MTMR3: variants seen among roughly 807,000 people sequenced by gnomAD.
MTMR3 encodes the protein myotubularin related protein 3.
In MTMR3, 32 loss-of-function variants were observed where a neutral mutation model predicts 132.4. The observed-to-expected ratio is 0.24, with a 90% CI of 0.18 to 0.32. The LOEUF (loss-of-function observed/expected upper bound fraction) is 0.32. Among genes scored for constraint, MTMR3 ranks in the 10% least tolerant of loss-of-function variants. MTMR3 has a pLI of 1.00. For synonymous variants in MTMR3, 556 were observed against 550.3 expected (o/e 1.01, Z -0.14); for missense variants, 1,216 against 1,489.6 (o/e 0.82, Z 3.02).
chr22:29,890,492 T>C (rs958521160), intron 1 of MTMR3, among the ~76,000 whole-genome samples: 2 of 151,880 alleles, frequency 1.3e-5, no homozygotes, highest in African/African-American at 2.4e-5. Context: ...CACTCTAGCC[T>C]GGGCCACAGA....
intron 1 of MTMR3, among the ~76,000 whole-genome samples, chr22:29,902,432 G>A (rs1032476562): frequency 2.0e-5 from 3 of 147,460 alleles, no homozygotes; most frequent in Non-Finnish European, 4.5e-5. Context: ...TTTTGAGACG[G>A]AGTCTCGCTC....
intron 12 of MTMR3, 88 bp from the exon 13 acceptor site, chr22:30,012,280 A>C (rs1259960322): frequency 7.1e-7 from 1 of 1,408,182 alleles, no homozygotes; most frequent in Admixed American, 2.2e-5. Context: ...AAATCTTTGG[A>C]AATTGCTTTT....
intron 1 of MTMR3, among the ~76,000 whole-genome samples, chr22:29,884,213 CT>C (rs1019957158): frequency 1.3e-5 from 2 of 152,118 alleles, no homozygotes; most frequent in African/African-American, 4.8e-5. Context: ...TAAATTCTTA[CT>C]GTTGTAGTAT....
intron 2 of MTMR3, among the ~76,000 whole-genome samples, chr22:29,966,539 G>A (rs2066418602): frequency 6.6e-6 from 1 of 152,108 alleles, no homozygotes; most frequent in Admixed American, 6.6e-5. Flanking sequence ...TTGTAAAATA[G>A]TATTATCAAA....
At chr22:29,911,489 G>A (rs998797427) in intron 1 of MTMR3, among the ~76,000 whole-genome samples, 3 of 152,070 alleles carry the variant, frequency 2.0e-5, no homozygotes. Flanking sequence ...GTTGCAGTGA[G>A]CCATGATCAC....
chr22:30,018,345 G>A (rs2067653670), intron 16 of MTMR3: 1 of 374,138 alleles, frequency 2.7e-6, no homozygotes, highest in Non-Finnish European at 4.7e-6. Context: ...CAGTTTTTCT[G>A]TGACCCCCTG....
At chr22:29,954,525 A>T (rs1226774403) in intron 1 of MTMR3, among the ~76,000 whole-genome samples, 1 of 152,186 alleles carries the variant, frequency 6.6e-6, no homozygotes, top group Non-Finnish European at 1.5e-5. Flanking sequence ...AGTCTTTGCC[A>T]GCATTAAGCC....
Position 29,904,270 on chromosome 22 carries a change from C to T in MTMR3, c.-138+20911C>T, listed in dbSNP as rs544560051. Among the ~76,000 whole-genome samples the T allele has an allele frequency of 2.8e-4, 42 of 152,266 alleles. 1 individual carries two copies. The South Asian group carries it at 6.8e-3, about 25-fold the overall frequency. ...TCATTGCTACCTTGTGAAGTAGGCACGGCAGGCTGTATATTGTTACTTCTA... is the reference window on the plus strand; with the variant it reads ...TCATTGCTACCTTGTGAAGTAGGCATGGCAGGCTGTATATTGTTACTTCTA... On this transcript the variant is annotated intron_variant, in intron 1 of 19. Coordinates refer to ENST00000401950, the MANE Select transcript of MTMR3 (RefSeq NM_021090.4).
chr22:29,975,006 G>T (rs528709417), intron 3 of MTMR3, among the ~76,000 whole-genome samples: 8 of 151,940 alleles, frequency 5.3e-5, no homozygotes. Context: ...TCACTCTGTC[G>T]CCCGGGTTGG....
intron 1 of MTMR3, among the ~76,000 whole-genome samples, chr22:29,896,116 C>A (rs1420220296): frequency 4.6e-5 from 7 of 152,096 alleles, no homozygotes; most frequent in Admixed American, 3.3e-4. Context: ...TCAAGACCAG[C>A]CTGGCCAACG....
intron 6 of MTMR3, 45 bp downstream of exon 6, chr22:29,988,607 A>T: frequency 6.9e-7 from 1 of 1,447,774 alleles, no homozygotes; most frequent in Non-Finnish European, 9.5e-7. Flanking sequence ...TGTGGAAAAT[A>T]TTTTTTAAAG....
intron 5 of MTMR3, chr22:29,986,579 T>G: frequency 1.0e-6 from 1 of 984,876 alleles, no homozygotes; most frequent in Non-Finnish European, 1.2e-6. Context: ...TCACAGCACC[T>G]TGGGGTTAAG....
chr22:29,959,413 C>T (rs1271666540), intron 2 of MTMR3, among the ~76,000 whole-genome samples: 1 of 152,090 alleles, frequency 6.6e-6, no homozygotes, highest in African/African-American at 2.4e-5. Context: ...GAGTCTTGTT[C>T]TGTCACCCAG....
In MTMR3 at chr22:30,030,643, G is replaced by GA. The variant is rs1316407811; in HGVS notation, c.*4842_*4843insA. The GA allele has an allele frequency of 9.3e-6, 1 of 106,998 alleles. No homozygotes were observed. The highest frequency in any genetic ancestry group is 1.9e-5 in the Non-Finnish European group (1 of 53,618). The allele number at this position is 106,998 out of a possible 1,614,324, so 6.6% of individuals were successfully genotyped here. On this transcript the variant is annotated 3_prime_UTR_variant, in exon 20 of 20. Transcript: ENST00000401950. ...GGCTCTCAGCGAGGAGGGGGCGGGG[G>GA]GGGGGTCACTATTTATCTTCCAGAG...
At chr22:29,967,245 G>GCA (rs1569028546) in intron 2 of MTMR3, among the ~76,000 whole-genome samples, 7 of 150,532 alleles carry the variant, frequency 4.7e-5, no homozygotes, top group African/African-American at 1.2e-4. Context: ...ATGCGCGCGC[G>GCA]CGCGCATGTT....
intron 3 of MTMR3, among the ~76,000 whole-genome samples, chr22:29,974,302 A>G (rs904399522): frequency 6.6e-6 from 1 of 152,158 alleles, no homozygotes; most frequent in Non-Finnish European, 1.5e-5. Context: ...AACTATAATA[A>G]ATTCAGGCTA....
At chr22:29,900,073 C>G (rs1050605229) in intron 1 of MTMR3, among the ~76,000 whole-genome samples, 1 of 152,096 alleles carries the variant, frequency 6.6e-6, no homozygotes, top group East Asian at 1.9e-4. Context: ...AACAAACATA[C>G]AGAAGAGTGC....
chr22:29,978,487 A>G lies in MTMR3; in HGVS notation c.49A>G (p.Ile17Val), dbSNP rs748403976. 5.0e-6 allele frequency: 8 copies of G among 1,613,896 alleles called. No homozygotes were observed. In the South Asian group the frequency reaches 8.8e-5, roughly 18 times the overall value. Residue 17 changes from isoleucine to valine, a missense_variant, in exon 4 of 20, where the codon ATC (isoleucine) becomes GTC (valine). By Grantham distance (29) the Ile-to-Val change is conservative. This residue lies in a region of MTMR3 where 81 missense variants were observed against 87.7 expected (regional missense o/e 0.92). Coordinates refer to ENST00000401950, the MANE Select transcript of MTMR3 (RefSeq NM_021090.4). The stretch of plus-strand genomic sequence containing the variant: ...CCTTGAGTGCATCCAGGCCAATCAG[A>G]TCTTTCCCAGGAAGCAGCTGATCCG... Reference protein sequence around the residue: ...HSLECIQANQIFPRKQLIRED... With the variant: ...HSLECIQANQVFPRKQLIRED...
At chr22:29,961,374 T>A (rs1348747520) in intron 2 of MTMR3, among the ~76,000 whole-genome samples, 2 of 152,122 alleles carry the variant, frequency 1.3e-5, no homozygotes, top group African/African-American at 2.4e-5. Context: ...TGGGGTATAA[T>A]GGAATACTGA....
Sources: allele counts gnomAD v4.1 joint callset (sites outside exome capture counted in the v4.1 genomes callset), GRCh38; gene constraint gnomAD v4.1.1; regional missense constraint gnomAD v4.1.1; transcripts MANE v1.5; gene names NCBI Gene and HGNC (gene_info 2026-07-23, HGNC 2026-07-21).